Variants in FIS1 observed in about 807,000 individuals in gnomAD.
FIS1 encodes the protein mitochondrial fission 1 protein.
FIS1 carries 16 observed loss-of-function variants against 21.6 expected under a neutral mutation model. That is an observed-to-expected ratio of 0.74 (90% confidence interval 0.50 to 1.12). The LOEUF (loss-of-function observed/expected upper bound fraction) is 1.12, where lower values mean the gene tolerates loss of function less well. Ranked by LOEUF, FIS1 falls within the 50% of genes most tolerant of loss-of-function variation. FIS1 has a pLI of 0.00. For synonymous variants in FIS1, 92 were observed against 82.2 expected (o/e 1.12, Z -0.65); for missense variants, 198 against 190.9 (o/e 1.04, Z -0.22).
chr7:101,244,142 G>T lies in FIS1; in HGVS notation c.46-3C>A, dbSNP rs1209867560. The T allele has an allele frequency of 6.2e-7, 1 of 1,612,730 alleles. No individual in the cohort carries two copies. Among genetic ancestry groups the T allele is most frequent in the Non-Finnish European group, 8.5e-7 (1 of 1,179,228 alleles). On this transcript the variant is annotated splice_region_variant and splice_polypyrimidine_tract_variant and intron_variant, in intron 1 of 4. Coordinates refer to ENST00000223136, the MANE Select transcript of FIS1 (RefSeq NM_016068.3). ...GACTGAAATTTCTTTTCAAACTTCT[G>T]CCACAGGGGAGGAAAGGAATCATTT...
intron 3 of FIS1, 142 bp from the exon 4 acceptor site, chr7:101,240,389 C>G: frequency 1.3e-6 from 1 of 774,508 alleles, no homozygotes; most frequent in African/African-American, 1.7e-5. Flanking sequence ...ACCTCAAACT[C>G]CCAGGCTCAA....
At chr7:101,244,910 A>G in intron 1 of FIS1, 50 bp downstream of exon 1, 1 of 1,610,820 alleles carries the variant, frequency 6.2e-7, no homozygotes, top group Non-Finnish European at 8.5e-7. Context: ...GACTCTCCTC[A>G]GGACCCGCCC....
intron 3 of FIS1, among the ~76,000 whole-genome samples, chr7:101,240,494 C>T (rs1035707126): frequency 4.6e-5 from 7 of 152,152 alleles, no homozygotes; most frequent in African/African-American, 1.2e-4. Context: ...CCCCTGCCCA[C>T]GTGAAGGGCC....
chr7:101,244,185 A>G (rs996331995), intron 1 of FIS1, 46 bp from the exon 2 acceptor site: 11 of 1,591,990 alleles, frequency 6.9e-6, no homozygotes, highest in Non-Finnish European at 9.4e-6. Context: ...TAGGGCGTCA[A>G]CCATTCTCTA....
chr7:101,242,929 TC>T (rs1277278462), intron 2 of FIS1, among the ~76,000 whole-genome samples: 7 of 152,232 alleles, frequency 4.6e-5, no homozygotes, highest in African/African-American at 1.7e-4. Flanking sequence ...GACCTTTTTT[TC>T]TTGCCATTAT....
intron 3 of FIS1, among the ~76,000 whole-genome samples, chr7:101,240,624 G>T (rs1233661429): frequency 6.6e-6 from 1 of 152,194 alleles, no homozygotes; most frequent in African/African-American, 2.4e-5. Context: ...ACAGCGCAAG[G>T]CTTGGGCCTG....
At chr7:101,241,370 G>A (rs1298649206) in intron 2 of FIS1, among the ~76,000 whole-genome samples, 6 of 151,940 alleles carry the variant, frequency 3.9e-5, no homozygotes, top group South Asian at 4.1e-4. Context: ...ACAGGTGCCC[G>A]CCACCACGCC....
chr7:101,239,606 C>T lies in FIS1; in HGVS notation c.*200G>A, dbSNP rs976539358. The T allele has an allele frequency of 4.7e-6, 3 of 638,334 alleles. No individual in the cohort carries two copies. Among genetic ancestry groups the T allele is most frequent in the Admixed American group, 2.1e-5 (1 of 46,866 alleles). The allele number at this position is 638,334 out of a possible 1,614,324, so 39.5% of individuals were successfully genotyped here. On this transcript the variant is annotated 3_prime_UTR_variant, in exon 5 of 5. Coordinates refer to ENST00000223136, the MANE Select transcript of FIS1 (RefSeq NM_016068.3). ...CCCACCCCTCCCCTCAACGCAGACA[C>T]GGGGGTTCCCAAGCCACAGCCCCGT... is the stretch of plus-strand genomic sequence containing the variant.
intron 1 of FIS1, 64 bp downstream of exon 1, chr7:101,244,896 A>T (rs1221355870): frequency 6.3e-7 from 1 of 1,594,676 alleles, no homozygotes; most frequent in South Asian, 1.1e-5. Context: ...TTCGGCCCCT[A>T]CCTGACTCTC....
At chr7:101,240,045 G>T in intron 4 of FIS1, 97 bp downstream of exon 4, 2 of 1,444,722 alleles carry the variant, frequency 1.4e-6, no homozygotes, top group Non-Finnish European at 1.9e-6. Context: ...GGAAGGGGTG[G>T]GGCTGAGGGG....
chr7:101,240,283 C>T lies in FIS1; in HGVS notation c.256-36G>A, dbSNP rs562553616. 1.7e-4 allele frequency: 266 copies of T among 1,596,320 alleles called. 2 individuals carry two copies. The South Asian group carries it at 2.8e-3, about 17-fold the overall frequency. ...GGAAACGCGCACGCGTCATACACAC[C>T]GCAGTGTTTTTTTGTTTGTTTGTTT... On this transcript the variant is annotated intron_variant, in intron 3 of 4. Transcript: ENST00000223136.
In FIS1 at chr7:101,244,989, T is replaced by C. The variant is rs1798798128; in HGVS notation, c.16A>G (p.Asn6Asp). MEAVL[N>D]ELVSVEDLLK... ...AGGTCCTCCACAGACACCAGCTCGT[T>C]CAGCACGGCCTCCATGGCCACTGCC... Residue 6 changes from asparagine (N) to aspartate (D), a missense_variant, in exon 1 of 5, where the codon AAC becomes GAC. Physicochemically the swap from Asn to Asp is conservative, Grantham distance 23. Transcript: ENST00000223136. 6 of 1,613,884 alleles carry C rather than the reference T, an allele frequency of 3.7e-6. No individual in the cohort carries two copies. Among genetic ancestry groups the C allele is most frequent in the Non-Finnish European group, 5.1e-6 (6 of 1,179,956 alleles).
intron 2 of FIS1, among the ~76,000 whole-genome samples, chr7:101,242,896 T>G (rs900561072): frequency 6.6e-6 from 1 of 152,200 alleles, no homozygotes; most frequent in Non-Finnish European, 1.5e-5. Context: ...AAAAGATAGT[T>G]GCATCTGTAT....
In FIS1 at chr7:101,239,819, T is replaced by TTGGACA. The variant is rs774154672; in HGVS notation, c.440_445dup (p.Ser148_Lys149insMetSer). The TTGGACA allele has an allele frequency of 6.3e-7, 1 of 1,596,586 alleles. No individual in the cohort carries two copies. Among genetic ancestry groups the TTGGACA allele is most frequent in the South Asian group, 1.1e-5 (1 of 88,364 alleles). ...CCCGCGTCTCCTTCAGGATTTGGACTTGGACACAGCAAGTCCGATGAGTCC... is the reference window on the plus strand; with the variant it reads ...CCCGCGTCTCCTTCAGGATTTGGACTTGGACATGGACACAGCAAGTCCGATGAGTCC... On this transcript the variant is annotated inframe_insertion, in exon 5 of 5. Transcript: ENST00000223136.
At position 101,239,729 on chromosome 7, in the gene FIS1, C is replaced by T. The variant is rs1456027186; in HGVS notation, c.*77G>A. 7.4e-6 allele frequency: 9 copies of T among 1,223,660 alleles called. No individual in the cohort carries two copies. The highest frequency in any genetic ancestry group is 1.1e-5 in the Non-Finnish European group (9 of 847,406). 75.8% of individuals were successfully genotyped at this position (1,223,660 alleles called of 1,614,324 possible). A position where few individuals can be genotyped will look rare whatever the true frequency, so the allele number is the denominator to read the frequency against. On this transcript the variant is annotated 3_prime_UTR_variant, in exon 5 of 5. Coordinates refer to ENST00000223136, the MANE Select transcript of FIS1 (RefSeq NM_016068.3). Reference sequence around the variant, plus strand: ...GGCCACAGAGGATAGAGACGGGGGGCAGGGGGAGAACAGGGAAAGGACAGC... The same window carrying T: ...GGCCACAGAGGATAGAGACGGGGGGTAGGGGGAGAACAGGGAAAGGACAGC...
chr7:101,244,768 T>A (rs1268417856), intron 1 of FIS1, 192 bp downstream of exon 1: 10 of 659,178 alleles, frequency 1.5e-5, no homozygotes, highest in Non-Finnish European at 2.6e-5. Context: ...CTCAGGACAC[T>A]ACAACTCCCA....
At position 101,240,195 on chromosome 7, in the gene FIS1, T is replaced by C. The variant is rs1162946764; in HGVS notation, c.308A>G (p.Gln103Arg). 2.5e-6 allele frequency: 4 copies of C among 1,614,124 alleles called. No homozygotes were observed. The highest frequency in any genetic ancestry group is 3.4e-6 in the Non-Finnish European group (4 of 1,180,050). The change falls in exon 4 of 5, where the codon CAG becomes CGG. Residue 103 changes from glutamine (Q) to arginine (R), a missense_variant. Coordinates refer to ENST00000223136, the MANE Select transcript of FIS1 (RefSeq NM_016068.3). Reference protein sequence around the residue: ...YVRGLLQTEPQNNQAKELERL... With the variant: ...YVRGLLQTEPRNNQAKELERL... Reference sequence around the variant, plus strand: ...CTCCAGTTCCTTGGCCTGGTTGTTCTGGGGCTCTGTCTGCAGCAACCCGCG... The same window carrying C: ...CTCCAGTTCCTTGGCCTGGTTGTTCCGGGGCTCTGTCTGCAGCAACCCGCG...
At chr7:101,242,646 G>C (rs111684974) in intron 2 of FIS1, among the ~76,000 whole-genome samples, 4,587 of 152,050 alleles carry the variant, frequency 0.03, 92 homozygotes, top group Middle Eastern at 0.058. Context: ...GCGCCACCAG[G>C]CCCAGCTAAT....
intron 3 of FIS1, 102 bp downstream of exon 3, chr7:101,240,727 AC>A (rs1217687137): frequency 1.8e-6 from 2 of 1,096,654 alleles, no homozygotes; most frequent in Admixed American, 3.5e-5. Flanking sequence ...GCACCTCTGC[AC>A]CCCTTCAGCC....
Sources: allele counts gnomAD v4.1 joint callset (sites outside exome capture counted in the v4.1 genomes callset), GRCh38; gene constraint gnomAD v4.1.1; transcripts MANE v1.5; gene names NCBI Gene and HGNC (gene_info 2026-07-23, HGNC 2026-07-21).